Variants in AP4E1 observed in about 807,000 individuals in gnomAD.
AP4E1 encodes adaptor related protein complex 4 subunit epsilon 1, also known as AP-4 complex subunit epsilon-1.
Under a neutral mutation model 128.2 loss-of-function variants are expected in AP4E1, and 56 were observed. That is an observed-to-expected ratio of 0.44 (90% CI 0.35 to 0.55). AP4E1 has a LOEUF of 0.55. Among genes scored for constraint, AP4E1 ranks in the 20% least tolerant of loss-of-function variants. The pLI is 0.00. For missense variants in AP4E1, 1,324 were observed against 1,307.7 expected (o/e 1.01, Z -0.19); for synonymous variants, 484 against 473.1 (o/e 1.02, Z -0.30).
chr15:50,999,429 C>G (rs540850656), intron 19 of AP4E1, among the ~76,000 whole-genome samples, 167 bp downstream of exon 19: 11 of 152,078 alleles, frequency 7.2e-5, no homozygotes, highest in Non-Finnish European at 1.5e-4. Flanking sequence ...AGACATGGAG[C>G]AATTACATAA....
chr15:50,953,537 T>G (rs934794748), intron 13 of AP4E1, among the ~76,000 whole-genome samples: 1 of 152,252 alleles, frequency 6.6e-6, no homozygotes, highest in South Asian at 2.1e-4. Flanking sequence ...CTTTGTCCAG[T>G]GTATCCATGC....
rs1200007295 is a variant in AP4E1 at position 50,908,765 on chromosome 15, GGGC to G, written c.-3_-1del. 1.1e-5 allele frequency: 16 copies of G among 1,523,420 alleles called. No homozygotes were observed. Among genetic ancestry groups the G allele is most frequent in the Admixed American group, 8.7e-5 (4 of 46,186 alleles). The allele number at this position is 1,523,420 out of a possible 1,614,324, so 94.4% of individuals were successfully genotyped here. A position where few individuals can be genotyped will look rare whatever the true frequency, so the allele number is the denominator to read the frequency against. On this transcript the variant is annotated 5_prime_UTR_variant, in exon 1 of 21. Transcript: ENST00000261842. ...GGATCGCGGGCGGCGGCGGCATCGC[GGGC>G]GGCGGCGGCGATGAGCGACATAGTG...
chr15:50,980,897 A>G (rs7181051), intron 15 of AP4E1, among the ~76,000 whole-genome samples: 66,013 of 152,050 alleles, frequency 0.43, 14,540 homozygotes, highest in East Asian at 0.59. Context: ...TGCAAGAGCC[A>G]TGGGGTCATG....
intron 7 of AP4E1, among the ~76,000 whole-genome samples, chr15:50,933,046 A>G (rs918765287): frequency 6.6e-6 from 1 of 152,174 alleles, no homozygotes; most frequent in African/African-American, 2.4e-5. Context: ...CATTTAGTGA[A>G]TTTATTAAAT....
At chr15:50,910,853 G>A (rs2063558805) in intron 1 of AP4E1, among the ~76,000 whole-genome samples, 1 of 152,100 alleles carries the variant, frequency 6.6e-6, no homozygotes. Context: ...ACAGGGTTTC[G>A]CCATGTTGGC....
chr15:50,920,215 G>A (rs1158745877), intron 3 of AP4E1, among the ~76,000 whole-genome samples: 1 of 134,588 alleles, frequency 7.4e-6, no homozygotes, highest in African/African-American at 2.8e-5. Context: ...CCAGGTTCAC[G>A]CCATTCTCCT....
chr15:50,963,815 T>G (rs28430533), intron 14 of AP4E1, among the ~76,000 whole-genome samples: 1 of 152,212 alleles, frequency 6.6e-6, no homozygotes, highest in Non-Finnish European at 1.5e-5. Context: ...AAGAATCGTA[T>G]GTACGCCAGA....
chr15:50,988,783 T>C (rs2064765387), intron 16 of AP4E1, among the ~76,000 whole-genome samples: 1 of 152,168 alleles, frequency 6.6e-6, no homozygotes, highest in Non-Finnish European at 1.5e-5. Context: ...ATTGAACTAT[T>C]GTAAGTCAGG....
At chr15:50,999,574 T>G (rs1205542798) in intron 19 of AP4E1, among the ~76,000 whole-genome samples, 1 of 152,234 alleles carries the variant, frequency 6.6e-6, no homozygotes, top group Non-Finnish European at 1.5e-5. Flanking sequence ...TTATTTAAAC[T>G]AAATAACTCC....
At chr15:50,995,762 G>C (rs2064860396) in intron 17 of AP4E1, among the ~76,000 whole-genome samples, 1 of 151,820 alleles carries the variant, frequency 6.6e-6, no homozygotes, top group Non-Finnish European at 1.5e-5. Context: ...TTTTAACAAA[G>C]ATGTCACTAC....
chr15:50,988,119 T>G (rs1395927797), intron 16 of AP4E1, among the ~76,000 whole-genome samples: 2 of 152,134 alleles, frequency 1.3e-5, no homozygotes, highest in East Asian at 3.9e-4. Flanking sequence ...AGGTGATTGA[T>G]TTCACCTGAG....
chr15:50,933,332 G>A (rs147527522), intron 7 of AP4E1, among the ~76,000 whole-genome samples: 43 of 152,150 alleles, frequency 2.8e-4, no homozygotes, highest in East Asian at 7.7e-4. Flanking sequence ...AGTTATAACC[G>A]GATTCTAAAG....
At chr15:50,965,132 C>T (rs1217807048) in intron 14 of AP4E1, among the ~76,000 whole-genome samples, 4 of 152,056 alleles carry the variant, frequency 2.6e-5, no homozygotes, top group East Asian at 3.8e-4. Context: ...CCTGCAGATC[C>T]GCGAGTCAAT....
intron 15 of AP4E1, among the ~76,000 whole-genome samples, chr15:50,976,694 A>G (rs746891709): frequency 6.6e-6 from 1 of 152,256 alleles, no homozygotes; most frequent in Non-Finnish European, 1.5e-5. Context: ...TGCAAAGTCA[A>G]CATGCAAAAA....
chr15:50,924,693 A>G (rs1036411325), intron 4 of AP4E1, among the ~76,000 whole-genome samples: 1 of 152,236 alleles, frequency 6.6e-6, no homozygotes, highest in African/African-American at 2.4e-5. Context: ...ATAGATAAGT[A>G]CATATGAATG....
At chr15:50,983,989 A>G (rs771158102) in intron 15 of AP4E1, 33 bp from the exon 16 acceptor site, 3 of 1,606,684 alleles carry the variant, frequency 1.9e-6, no homozygotes, top group Non-Finnish European at 2.6e-6. Context: ...TTTGTTTTAA[A>G]TATGAACCTC....
At chr15:50,971,483 T>C (rs1199369454) in intron 15 of AP4E1, among the ~76,000 whole-genome samples, 1 of 152,226 alleles carries the variant, frequency 6.6e-6, no homozygotes, top group Non-Finnish European at 1.5e-5. Context: ...TAGGATGTTC[T>C]GTCTTCCAAG....
intron 14 of AP4E1, among the ~76,000 whole-genome samples, chr15:50,959,603 G>A (rs751614083): frequency 2.0e-5 from 3 of 152,032 alleles, no homozygotes; most frequent in Non-Finnish European, 4.4e-5. Context: ...ATCTACCAAC[G>A]TGAAAACACA....
At chr15:50,996,623 AGTCTGCT>A (rs778609274) in intron 17 of AP4E1, among the ~76,000 whole-genome samples, 57 of 152,228 alleles carry the variant, frequency 3.7e-4, no homozygotes, top group Non-Finnish European at 5.9e-4. Context: ...GAGTAGTGCC[AGTCTGCT>A]GCACTGATTC....
Sources: gnomAD v4.1 joint callset for allele counts (sites outside exome capture counted in the v4.1 genomes callset) on GRCh38, gnomAD v4.1.1 for gene constraint, MANE v1.5 for transcripts, NCBI Gene and HGNC (gene_info 2026-07-23, HGNC 2026-07-21) for gene names.